The following HDLBP variants were observed in gnomAD, a reference collection of about 807,000 sequenced individuals.
HDLBP encodes high density lipoprotein binding protein.
In HDLBP, 30 loss-of-function variants were observed where a neutral mutation model predicts 137.3. The observed-to-expected ratio is 0.22, with a 90% CI of 0.16 to 0.30. The LOEUF (loss-of-function observed/expected upper bound fraction) is 0.30. Ranked by LOEUF, HDLBP falls within the 10% of genes least tolerant of loss-of-function variation. The pLI, the probability that HDLBP is intolerant of heterozygous loss-of-function variation, is 1.00. For synonymous variants in HDLBP, 606 were observed against 596.0 expected, an observed-to-expected ratio of 1.02 and a Z score of -0.24; for missense variants, 1,119 against 1,667.3, an observed-to-expected ratio of 0.67 and a Z score of 5.73.
At chr2:241,260,414 A>G (rs1451126445) in intron 5 of HDLBP, among the ~76,000 whole-genome samples, 1 of 152,212 alleles carries the variant, frequency 6.6e-6, no homozygotes, top group Non-Finnish European at 1.5e-5. Context: ...AGAATGATGG[A>G]CAATGCCTGA....
intron 1 of HDLBP, among the ~76,000 whole-genome samples, chr2:241,301,126 G>A (rs534169501): frequency 4.0e-5 from 6 of 149,884 alleles, no homozygotes; most frequent in African/African-American, 7.3e-5. Context: ...ACAGGCGCCC[G>A]CCACCAGGCC....
chr2:241,282,815 T>A (rs1282937768), intron 1 of HDLBP, among the ~76,000 whole-genome samples: 1 of 152,066 alleles, frequency 6.6e-6, no homozygotes, highest in Non-Finnish European at 1.5e-5. Flanking sequence ...TCTCTCTCCC[T>A]CTCCTCATGC....
intron 1 of HDLBP, among the ~76,000 whole-genome samples, chr2:241,300,620 C>A (rs1356287637): frequency 6.6e-6 from 1 of 152,128 alleles, no homozygotes; most frequent in Non-Finnish European, 1.5e-5. Flanking sequence ...GCCATATGAC[C>A]AACTGATAAC....
intron 1 of HDLBP, among the ~76,000 whole-genome samples, chr2:241,290,715 T>C (rs2074987856): frequency 6.6e-6 from 1 of 152,226 alleles, no homozygotes; most frequent in Non-Finnish European, 1.5e-5. Flanking sequence ...GAAAATTCAC[T>C]GAGCTATATA....
intron 9 of HDLBP, 85 bp downstream of exon 9, chr2:241,254,966 T>C (rs1322315936): frequency 1.6e-5 from 17 of 1,082,352 alleles, no homozygotes; most frequent in Non-Finnish European, 2.4e-5. Flanking sequence ...GCATCCACAG[T>C]ACAAAGGTCA....
rs569494591 is a variant in HDLBP, at chr2:241,273,217, C to A, written c.-102-4676G>T. On this transcript the variant is annotated intron_variant, in intron 1 of 27. Transcript: ENST00000310931. ...CATCGTAAACGGATGGCCACACTGG[C>A]ACGAGGTCCTACAGCGCAGTGAGGC... The A allele has an allele frequency of 4.3e-5, 42 of 985,550 alleles. No homozygotes were observed. The South Asian group carries it at 8.9e-4, about 21-fold the overall frequency. 61.1% of individuals were successfully genotyped at this position (985,550 alleles called of 1,614,324 possible). A position where few individuals can be genotyped will look rare whatever the true frequency, so the allele number is the denominator to read the frequency against.
chr2:241,268,604 A>G (rs2073850947), intron 1 of HDLBP, 63 bp from the exon 2 acceptor site: 1 of 559,964 alleles, frequency 1.8e-6, no homozygotes, highest in Non-Finnish European at 2.3e-6. Flanking sequence ...ACTTATCTAC[A>G]TTTTACAACT....
rs530378489 is a variant in HDLBP, at chr2:241,293,931, A to AC, written c.-103+21638_-103+21639insG. On this transcript the variant is annotated intron_variant, in intron 1 of 27. Coordinates refer to ENST00000310931, the MANE Select transcript of HDLBP (RefSeq NM_005336.6). ...TGCGAGACCCTGCCTCAAAAAAAAA[A>AC]AAAAACAAAAACAGAAACATAGCTA... 3.3e-4 allele frequency among the ~76,000 whole-genome samples: 50 copies of AC among 151,862 alleles called. 1 individual carries two copies. The South Asian group carries it at 6.8e-3, about 21-fold the overall frequency.
intron 1 of HDLBP, among the ~76,000 whole-genome samples, chr2:241,281,825 CTTGT>C (rs1304610253): frequency 6.6e-6 from 1 of 152,136 alleles, no homozygotes; most frequent in Admixed American, 6.5e-5. Context: ...ATTAACTTCA[CTTGT>C]TTATTTTTAT....
At chr2:241,298,042 T>C (rs2075247594) in intron 1 of HDLBP, among the ~76,000 whole-genome samples, 1 of 72,706 alleles carries the variant, frequency 1.4e-5, no homozygotes, top group Admixed American at 2.4e-4. Context: ...TGAGACCCTG[T>C]CTCAAAAAAA....
intron 1 of HDLBP, among the ~76,000 whole-genome samples, chr2:241,304,639 A>C (rs1197796689): frequency 6.6e-6 from 1 of 152,254 alleles, no homozygotes; most frequent in Non-Finnish European, 1.5e-5. Flanking sequence ...TGAATCAATG[A>C]AAGATATTCA....
rs372865783 is a variant in HDLBP, at chr2:241,248,334, G to C, written c.1527C>G (p.Thr509=). 59 of 1,612,564 alleles carry C rather than the reference G, an allele frequency of 3.7e-5. No individual in the cohort carries two copies. The highest frequency in any genetic ancestry group is 3.6e-4 in the South Asian group (33 of 91,050). Residue 509 remains threonine, a synonymous_variant, in exon 13 of 28, where the codon ACC becomes ACG. Transcript: ENST00000310931. ...ELASRMENER[T]KDLIIEQRFH... The stretch of plus-strand genomic sequence containing the variant: ...ATCTTTGCTCAATGATTAGATCCTT[G>C]GTACGCTCATTTTCCTAAAAATACA...
chr2:241,264,230 C>T (rs1012402772), intron 4 of HDLBP, among the ~76,000 whole-genome samples: 8 of 151,402 alleles, frequency 5.3e-5, no homozygotes, highest in South Asian at 2.1e-4. Context: ...GGCGTGGTGG[C>T]GGGCACCTGT....
At chr2:241,310,832 G>A (rs529124103) in intron 1 of HDLBP, among the ~76,000 whole-genome samples, 98 of 152,296 alleles carry the variant, frequency 6.4e-4, no homozygotes, top group African/African-American at 2.3e-3. Context: ...AGAAAGAAAA[G>A]CCTCTGAGGC....
chr2:241,272,107 GGCACGTCCAAGTT>G lies in HDLBP; in HGVS notation c.-102-3579_-102-3567del. ...ATGTATTTTTCATCCACGACCCTGG[GGCACGTCCAAGTT>G]GCACTCCAGGCCCAAGAAGAGCAGC... On this transcript the variant is annotated intron_variant, in intron 1 of 27. Transcript: ENST00000310931. This position sits in a 1 kb window ranked among gnomAD's most constrained non-coding sequence, Gnocchi z 5.6. 1 of 774,250 alleles carries G rather than the reference GGCACGTCCAAGTT, an allele frequency of 1.3e-6. No homozygotes were observed. The highest frequency in any genetic ancestry group is 1.6e-6 in the Non-Finnish European group (1 of 636,698). 48.0% of individuals were successfully genotyped at this position (774,250 alleles called of 1,614,324 possible). A position where few individuals can be genotyped will look rare whatever the true frequency, so the allele number is the denominator to read the frequency against.
At chr2:241,271,873 G>C (rs1406335251) in intron 1 of HDLBP, 1 of 152,248 alleles carries the variant, frequency 6.6e-6, no homozygotes, top group African/African-American at 2.4e-5. Context: ...AGAGACCACA[G>C]GCGACTGGCG....
chr2:241,266,983 A>G, intron 2 of HDLBP, 77 bp from the exon 3 acceptor site: 1 of 1,116,526 alleles, frequency 9.0e-7, no homozygotes, highest in Non-Finnish European at 1.4e-6. Context: ...TAAGAGTTTT[A>G]GCAAAGTTTT....
At chr2:241,294,526 G>C (rs568595921) in intron 1 of HDLBP, among the ~76,000 whole-genome samples, 13 of 152,112 alleles carry the variant, frequency 8.5e-5, no homozygotes, top group Non-Finnish European at 1.9e-4. Flanking sequence ...AGTGATGCAA[G>C]ATAGCTCACT....
At chr2:241,256,919 C>T in intron 5 of HDLBP, 113 bp from the exon 6 acceptor site, 2 of 841,036 alleles carry the variant, frequency 2.4e-6, no homozygotes, top group Non-Finnish European at 3.8e-6. Flanking sequence ...TGCCCAGCAG[C>T]ACCAACTCAT....
Sources: gnomAD v4.1 joint callset for allele counts (sites outside exome capture counted in the v4.1 genomes callset) on GRCh38, gnomAD v4.1.1 for gene constraint, Gnocchi (gnomAD v3.1) non-coding constraint, MANE v1.5 for transcripts, NCBI Gene and HGNC (gene_info 2026-07-23, HGNC 2026-07-21) for gene names.